Variants in AGBL4 observed in about 807,000 individuals in gnomAD.
AGBL4 encodes the protein AGBL carboxypeptidase 4.
In AGBL4, 58 loss-of-function variants were observed where a neutral mutation model predicts 66.4. The observed-to-expected ratio is 0.87, with a 90% confidence interval of 0.71 to 1.09. The LOEUF (loss-of-function observed/expected upper bound fraction) is 1.09, where lower values mean the gene tolerates loss of function less well. Among genes scored for constraint, AGBL4 ranks in the 50% least tolerant of loss-of-function variants. AGBL4 has a pLI of 0.00. For synonymous variants in AGBL4, 234 were observed against 222.9 expected, an observed-to-expected ratio of 1.05 and a Z score of -0.44; for missense variants, 579 against 631.0, an observed-to-expected ratio of 0.92 and a Z score of 0.88.
chr1:49,751,461 T>G (rs1651457528), intron 2 of AGBL4, among the ~76,000 whole-genome samples: 2 of 152,204 alleles, frequency 1.3e-5, no homozygotes, highest in African/African-American at 4.8e-5. Context: ...AGCTTTTTAA[T>G]GTGCTGCTGG....
At chr1:48,578,506 AACTGAGAAGT>A (rs1644688274) in intron 11 of AGBL4, among the ~76,000 whole-genome samples, 3 of 152,326 alleles carry the variant, frequency 2.0e-5, no homozygotes, top group Non-Finnish European at 2.9e-5. Context: ...GACACACAAG[AACTGAGAAGT>A]ACCTAGGTAT....
At chr1:49,654,286 A>C (rs1185233964) in intron 3 of AGBL4, among the ~76,000 whole-genome samples, 1 of 152,188 alleles carries the variant, frequency 6.6e-6, no homozygotes, top group Non-Finnish European at 1.5e-5. Context: ...GTGGTCTGAG[A>C]GACAGTTTGT....
chr1:49,475,309 T>C (rs1305061504), intron 3 of AGBL4, among the ~76,000 whole-genome samples: 1 of 152,002 alleles, frequency 6.6e-6, no homozygotes, highest in South Asian at 2.1e-4. Flanking sequence ...GGTGAATAAG[T>C]TTTTGATGTG....
At chr1:49,200,528 C>T (rs771555768) in intron 4 of AGBL4, among the ~76,000 whole-genome samples, 1 of 152,148 alleles carries the variant, frequency 6.6e-6, no homozygotes, top group East Asian at 1.9e-4. Flanking sequence ...AGATGCCAAT[C>T]GAAAGCACAG....
intron 1 of AGBL4, among the ~76,000 whole-genome samples, chr1:49,987,197 A>G (rs187384748): frequency 6.6e-6 from 1 of 152,216 alleles, no homozygotes; most frequent in East Asian, 1.9e-4. Flanking sequence ...TCATTAGAGT[A>G]ATTCTAATTT....
intron 6 of AGBL4, among the ~76,000 whole-genome samples, chr1:48,764,048 G>C (rs909482980): frequency 2.6e-5 from 4 of 152,108 alleles, no homozygotes; most frequent in African/African-American, 9.7e-5. Flanking sequence ...AAACTGGCCC[G>C]GGGGACACAG....
At chr1:49,313,856 A>C (rs1233338570) in intron 3 of AGBL4, among the ~76,000 whole-genome samples, 1 of 152,166 alleles carries the variant, frequency 6.6e-6, no homozygotes, top group African/African-American at 2.4e-5. Flanking sequence ...TGCTGGGCAG[A>C]AGCTCTTTAG....
chr1:49,569,730 C>A (rs1644288428), intron 3 of AGBL4, among the ~76,000 whole-genome samples: 1 of 152,046 alleles, frequency 6.6e-6, no homozygotes, highest in African/African-American at 2.4e-5. Flanking sequence ...TATCTCCCAC[C>A]ACTGCAATAC....
chr1:48,947,831 A>T (rs564018518), intron 5 of AGBL4, among the ~76,000 whole-genome samples: 3 of 149,266 alleles, frequency 2.0e-5, no homozygotes, highest in Admixed American at 6.7e-5. Context: ...TGTCCTTTAA[A>T]TTTTTTTTTT....
intron 4 of AGBL4, among the ~76,000 whole-genome samples, chr1:49,163,796 T>C (rs1646583362): frequency 1.3e-5 from 2 of 152,076 alleles, no homozygotes; most frequent in Non-Finnish European, 2.9e-5. Flanking sequence ...AAAGGCATGA[T>C]GGAGAGGGTA....
At chr1:49,440,257 A>G (rs1645997436) in intron 3 of AGBL4, among the ~76,000 whole-genome samples, 1 of 151,906 alleles carries the variant, frequency 6.6e-6, no homozygotes. Flanking sequence ...TTTAGTAGAG[A>G]CAGGGTTTCA....
At position 48,975,937 on chromosome 1, in the gene AGBL4, G is replaced by A. The variant is rs185845413; in HGVS notation, c.594+69647C>T. ...ATCCCTGAAAGATAATAGTAATGGG[G>A]AATCTTTCCAGTGCTCAGAACTTCA... On this transcript the variant is annotated intron_variant, in intron 5 of 13. Transcript: ENST00000371839. 8.2e-4 allele frequency among the ~76,000 whole-genome samples: 125 copies of A among 152,234 alleles called. 2 individuals carry two copies. The South Asian group carries it at 0.013, about 16-fold the overall frequency.
chr1:49,772,189 C>T (rs1644080385), intron 2 of AGBL4, among the ~76,000 whole-genome samples: 1 of 152,090 alleles, frequency 6.6e-6, no homozygotes, highest in African/African-American at 2.4e-5. Flanking sequence ...CATAAAGAGT[C>T]TTGCAGTTAT....
intron 3 of AGBL4, among the ~76,000 whole-genome samples, chr1:49,278,307 C>G (rs1246757542): frequency 6.6e-6 from 1 of 152,162 alleles, no homozygotes; most frequent in Non-Finnish European, 1.5e-5. Context: ...AACAGCCATG[C>G]TTTCAATTTG....
chr1:49,493,144 G>A (rs1647243610), intron 3 of AGBL4, among the ~76,000 whole-genome samples: 1 of 151,924 alleles, frequency 6.6e-6, no homozygotes, highest in Non-Finnish European at 1.5e-5. Flanking sequence ...GGGGATTATG[G>A]AAACTACAAT....
intron 1 of AGBL4, chr1:49,996,165 C>T (rs576027605): frequency 3.9e-5 from 6 of 152,080 alleles, no homozygotes; most frequent in African/African-American, 1.4e-4. Context: ...TTCTTTAACA[C>T]CCCCAAAAAA....
At chr1:49,770,810 T>C (rs575896509) in intron 2 of AGBL4, among the ~76,000 whole-genome samples, 1 of 152,308 alleles carries the variant, frequency 6.6e-6, no homozygotes, top group African/African-American at 2.4e-5. Flanking sequence ...CTGCTGTTCA[T>C]AGGAATCTCT....
intron 1 of AGBL4, among the ~76,000 whole-genome samples, chr1:49,935,426 C>A (rs890767554): frequency 2.0e-5 from 3 of 152,244 alleles, no homozygotes; most frequent in Non-Finnish European, 2.9e-5. Flanking sequence ...AACAAAAAGA[C>A]AGCAGTAACC....
At chr1:48,811,800 G>A (rs190520212) in intron 6 of AGBL4, among the ~76,000 whole-genome samples, 2 of 152,264 alleles carry the variant, frequency 1.3e-5, no homozygotes, top group African/African-American at 4.8e-5. Context: ...GATAGGGTAT[G>A]TACGGAGTGG....
Sources: allele counts gnomAD v4.1 joint callset (sites outside exome capture counted in the v4.1 genomes callset), GRCh38; gene constraint gnomAD v4.1.1; transcripts MANE v1.5; gene names NCBI Gene and HGNC (gene_info 2026-07-23, HGNC 2026-07-21).